The following CNTNAP2 variants were observed in gnomAD, a reference collection of about 807,000 sequenced individuals.
CNTNAP2 encodes contactin-associated protein-like 2.
A neutral mutation model predicts 155.2 loss-of-function variants in CNTNAP2; 98 were observed. The observed-to-expected ratio is 0.63, with a 90% CI of 0.54 to 0.75. The LOEUF is 0.75. Among genes scored for constraint, CNTNAP2 ranks in the 30% least tolerant of loss-of-function variants. CNTNAP2 has a pLI of 0.00. For missense variants in CNTNAP2, 1,727 were observed against 1,688.1 expected (o/e 1.02, Z -0.40); for synonymous variants, 651 against 631.2 (o/e 1.03, Z -0.47).
intron 1 of CNTNAP2, among the ~76,000 whole-genome samples, chr7:146,680,440 T>C (rs890105399): frequency 2.0e-5 from 3 of 152,192 alleles, no homozygotes; most frequent in Admixed American, 6.5e-5. Context: ...TGTTGTATTA[T>C]AGTATAATGG....
chr7:147,764,751 T>A (rs1184459278), intron 13 of CNTNAP2, among the ~76,000 whole-genome samples: 2 of 152,106 alleles, frequency 1.3e-5, no homozygotes, highest in Admixed American at 1.3e-4. Flanking sequence ...CAAGAGTAAA[T>A]CACAACACCT....
chr7:147,192,173 A>G (rs1036553573), intron 8 of CNTNAP2, among the ~76,000 whole-genome samples: 8 of 152,206 alleles, frequency 5.3e-5, no homozygotes, highest in Non-Finnish European at 1.0e-4. Context: ...GCATGAAGGA[A>G]GTAATGTCCT....
chr7:147,153,257 T>G (rs907920650), intron 8 of CNTNAP2, among the ~76,000 whole-genome samples: 3 of 152,146 alleles, frequency 2.0e-5, no homozygotes, highest in Non-Finnish European at 4.4e-5. Flanking sequence ...AACAAAAAGC[T>G]TTCTGAACTA....
chr7:146,950,768 CT>C (rs1421885504), intron 3 of CNTNAP2, among the ~76,000 whole-genome samples: 2 of 152,052 alleles, frequency 1.3e-5, no homozygotes, highest in Non-Finnish European at 1.5e-5. Flanking sequence ...GTGCATGTGT[CT>C]TTAGAGTAGA....
chr7:146,722,839 A>G (rs531918570), intron 1 of CNTNAP2, among the ~76,000 whole-genome samples: 31 of 152,164 alleles, frequency 2.0e-4, no homozygotes, highest in African/African-American at 7.2e-4. Flanking sequence ...ACATGATGAA[A>G]CACTATCTCT....
chr7:146,164,299 C>T (rs1205585412), intron 1 of CNTNAP2, among the ~76,000 whole-genome samples: 1 of 152,134 alleles, frequency 6.6e-6, no homozygotes, highest in Admixed American at 6.6e-5. Context: ...GCATTTTCTG[C>T]TCATGTATCA....
chr7:146,431,756 C>T (rs1009494027), intron 1 of CNTNAP2, among the ~76,000 whole-genome samples: 2 of 152,044 alleles, frequency 1.3e-5, no homozygotes, highest in Middle Eastern at 3.2e-3. Context: ...CAAAGTCTCA[C>T]AGCTAGTTAA....
At position 147,966,638 on chromosome 7, in the gene CNTNAP2, A is replaced by G. The variant is rs980862345; in HGVS notation, c.2256-11224A>G. Reference sequence around the variant, plus strand: ...TTGGGTGACATAAGAGAAGCCCAACAATTCCTGGGGGTGTCTCAGAGTCCA... The same window carrying G: ...TTGGGTGACATAAGAGAAGCCCAACGATTCCTGGGGGTGTCTCAGAGTCCA... On this transcript the variant is annotated intron_variant, in intron 14 of 23. Coordinates refer to ENST00000361727, the MANE Select transcript of CNTNAP2 (RefSeq NM_014141.6). Among the ~76,000 whole-genome samples, 50 of 152,110 alleles carry G rather than the reference A, an allele frequency of 3.3e-4. 1 individual carries two copies. Among genetic ancestry groups the G allele is most frequent in the African/African-American group, 1.2e-3 (49 of 41,420 alleles).
At position 148,115,484 on chromosome 7, in the gene CNTNAP2, A is replaced by G. The variant is rs796813077; in HGVS notation, c.2384-2634A>G. Among the ~76,000 whole-genome samples, 5 of 152,272 alleles carry G rather than the reference A, an allele frequency of 3.3e-5. 1 individual carries two copies. The highest frequency in any genetic ancestry group is 1.2e-4 in the African/African-American group (5 of 41,568). On this transcript the variant is annotated intron_variant, in intron 15 of 23. Coordinates refer to ENST00000361727, the MANE Select transcript of CNTNAP2 (RefSeq NM_014141.6). ...GGCTGAAGTCTGGCTGGGGACTTTG[A>G]TCTCTGCAGGCTCTCGGGTCCTTAA...
At chr7:147,018,970 G>T (rs1798773194) in intron 3 of CNTNAP2, among the ~76,000 whole-genome samples, 1 of 152,040 alleles carries the variant, frequency 6.6e-6, no homozygotes, top group African/African-American at 2.4e-5. Flanking sequence ...AGATGATCTA[G>T]ATCTCCATAC....
intron 1 of CNTNAP2, among the ~76,000 whole-genome samples, chr7:146,512,580 T>G (rs1797483086): frequency 6.6e-6 from 1 of 151,914 alleles, no homozygotes; most frequent in Non-Finnish European, 1.5e-5. Context: ...AATTTTCATA[T>G]ATTCGTAGAG....
intron 15 of CNTNAP2, among the ~76,000 whole-genome samples, chr7:148,074,450 G>A (rs982561456): frequency 1.3e-5 from 2 of 152,200 alleles, no homozygotes; most frequent in African/African-American, 4.8e-5. Context: ...CAGCACTTTG[G>A]GAGGCCGAGG....
At chr7:147,901,799 T>C (rs1205141679) in intron 13 of CNTNAP2, among the ~76,000 whole-genome samples, 3 of 152,200 alleles carry the variant, frequency 2.0e-5, no homozygotes, top group Non-Finnish European at 4.4e-5. Flanking sequence ...TCTTCCATTC[T>C]GTTGAGTTGC....
At chr7:148,081,102 T>C (rs1332144443) in intron 15 of CNTNAP2, among the ~76,000 whole-genome samples, 2 of 152,162 alleles carry the variant, frequency 1.3e-5, no homozygotes, top group Non-Finnish European at 2.9e-5. Context: ...CCTAAAGAAA[T>C]GTAAAATCTC....
At chr7:147,418,036 G>C (rs1377385632) in intron 10 of CNTNAP2, among the ~76,000 whole-genome samples, 7 of 152,102 alleles carry the variant, frequency 4.6e-5, no homozygotes, top group Admixed American at 4.6e-4. Flanking sequence ...TTCTGTAAAA[G>C]TCATTTATAA....
chr7:146,245,353 TG>T (rs1306904384), intron 1 of CNTNAP2, among the ~76,000 whole-genome samples: 2 of 152,112 alleles, frequency 1.3e-5, no homozygotes, highest in Non-Finnish European at 2.9e-5. Flanking sequence ...AGAAAGTATA[TG>T]CGTCAGCTAT....
At chr7:148,170,985 G>T (rs927792324) in intron 17 of CNTNAP2, among the ~76,000 whole-genome samples, 2 of 152,080 alleles carry the variant, frequency 1.3e-5, no homozygotes, top group African/African-American at 2.4e-5. Flanking sequence ...GTTCTTCTCG[G>T]TATTAAGTGG....
chr7:148,186,756 G>C (rs555871384), intron 18 of CNTNAP2, among the ~76,000 whole-genome samples: 1 of 152,178 alleles, frequency 6.6e-6, no homozygotes, highest in Non-Finnish European at 1.5e-5. Context: ...TGACACAAAA[G>C]GGGTATTTAA....
intron 3 of CNTNAP2, among the ~76,000 whole-genome samples, chr7:146,960,521 A>G (rs777266745): frequency 1.3e-5 from 2 of 152,180 alleles, no homozygotes; most frequent in Non-Finnish European, 2.9e-5. Context: ...GGCATTCAGA[A>G]AAATTACTCT....
Sources: gnomAD v4.1 joint callset for allele counts (sites outside exome capture counted in the v4.1 genomes callset) on GRCh38, gnomAD v4.1.1 for gene constraint, MANE v1.5 for transcripts, NCBI Gene and HGNC (gene_info 2026-07-23, HGNC 2026-07-21) for gene names.